Variants in GNL3L observed in about 807,000 individuals in gnomAD.
GNL3L encodes the protein G protein nucleolar 3 like.
GNL3L carries 4 observed loss-of-function variants against 42.9 expected under a neutral mutation model. The ratio of observed to expected loss-of-function variants is 0.09; its 90% CI spans 0.05 to 0.21. The LOEUF (loss-of-function observed/expected upper bound fraction) is 0.21. Ranked by LOEUF, GNL3L falls within the 10% of genes least tolerant of loss-of-function variation. The pLI is 1.00. For synonymous variants in GNL3L, 159 were observed against 176.3 expected (o/e 0.90, Z 0.78); for missense variants, 412 against 481.7 (o/e 0.86, Z 1.36).
At chrX:54,554,743 G>A (rs776565938) in intron 14 of GNL3L, 51 bp downstream of exon 14, 1 of 1,117,587 alleles carries the variant, frequency 8.9e-7, no homozygotes, top group Admixed American at 2.2e-5. Context: ...CAGGGCTCTG[G>A]GAAGTGGTCA....
chrX:54,553,001 T>C (rs1924991816), intron 13 of GNL3L, among the ~76,000 whole-genome samples: 1 of 112,186 alleles, frequency 8.9e-6, no homozygotes, highest in Non-Finnish European at 1.9e-5. Context: ...TCCTTTTTAC[T>C]GTGTGATGCT....
At chrX:54,557,879 C>G (rs1030720008) in intron 14 of GNL3L, among the ~76,000 whole-genome samples, 7 of 110,422 alleles carry the variant, frequency 6.3e-5, no homozygotes, top group Non-Finnish European at 1.3e-4. Context: ...TAGTGAACCA[C>G]TGCGCCTGCC....
chrX:54,594,027 G>T (rs1925900975), intron 16 of GNL3L, among the ~76,000 whole-genome samples: 1 of 111,518 alleles, frequency 9.0e-6, no homozygotes, highest in African/African-American at 3.3e-5. Flanking sequence ...CATAACATAT[G>T]GTCTATCCTT....
At chrX:54,605,699 C>A (rs939638061) in intron 16 of GNL3L, among the ~76,000 whole-genome samples, 5 of 111,282 alleles carry the variant, frequency 4.5e-5, no homozygotes, top group Non-Finnish European at 9.4e-5. Flanking sequence ...AGGGCCTGAT[C>A]TTTCACTTAT....
At chrX:54,616,436 AGT>A (rs1048491386) in intron 16 of GNL3L, among the ~76,000 whole-genome samples, 6 of 111,900 alleles carry the variant, frequency 5.4e-5, no homozygotes, top group African/African-American at 1.9e-4. Context: ...TTGTAATTGG[AGT>A]GTGTTAGTCA....
intron 8 of GNL3L, among the ~76,000 whole-genome samples, chrX:54,545,683 A>AT (rs1924751972): frequency 9.0e-6 from 1 of 110,980 alleles, no homozygotes; most frequent in East Asian, 2.8e-4. Context: ...TTTTTTTTCA[A>AT]TTTTGCATTG....
At chrX:54,572,091 A>C (rs1207247860), downstream of GNL3L, among the ~76,000 whole-genome samples, 47 of 108,031 alleles carry the variant, frequency 4.4e-4, no homozygotes, top group African/African-American at 1.3e-3. Flanking sequence ...TAGTGGAGGG[A>C]AGGTCAGCAG....
At chrX:54,571,389 G>A (rs1453264814), downstream of GNL3L, among the ~76,000 whole-genome samples, 1 of 108,259 alleles carries the variant, frequency 9.2e-6, no homozygotes. Context: ...TAGAGATGGG[G>A]TTTTACCGTG....
At chrX:54,590,108 T>C (rs777620821) in intron 16 of GNL3L, among the ~76,000 whole-genome samples, 2 of 110,519 alleles carry the variant, frequency 1.8e-5, no homozygotes, top group African/African-American at 3.3e-5. Flanking sequence ...CCCAGCTAAT[T>C]TTTGTATTTT....
intron 2 of GNL3L, among the ~76,000 whole-genome samples, chrX:54,537,008 G>A (rs1924454537): frequency 9.6e-6 from 1 of 104,512 alleles, no homozygotes; most frequent in Admixed American, 1.0e-4. Flanking sequence ...TCCAGGGTAT[G>A]TCTTTTTGGT....
At position 54,564,385 on chromosome X, in the gene GNL3L, G is replaced by T. The variant is rs1017474108; in HGVS notation, c.*3783G>T. ...TACACCCAAACCCTGGCAGTCACTG[G>T]TTTTTTTCTTCGTTCTCTTTTTTTT... On this transcript the variant is annotated 3_prime_UTR_variant, in exon 16 of 16. Coordinates refer to ENST00000360845, the MANE Select transcript of GNL3L (RefSeq NM_001184819.2). Among the ~76,000 whole-genome samples, 1 of 101,160 alleles carries T rather than the reference G, an allele frequency of 9.9e-6. No individual in the cohort carries two copies. Among genetic ancestry groups the T allele is most frequent in the Non-Finnish European group, 2.0e-5 (1 of 50,488 alleles). The allele number at this position is 101,160 out of a possible 115,157, so 87.8% of individuals were successfully genotyped here. A position where few individuals can be genotyped will look rare whatever the true frequency, so the allele number is the denominator to read the frequency against.
chrX:54,577,999 T>C lies in GNL3L; in HGVS notation c.*45+17352T>C, dbSNP rs745581729. Among the ~76,000 whole-genome samples, 44 of 111,665 alleles carry C rather than the reference T, an allele frequency of 3.9e-4. No individual in the cohort carries two copies. The South Asian group carries it at 7.8e-3, about 20-fold the overall frequency. ...CTCAAGCAATCTGCCTGCCTCGGCCTCCCAAAGTGCCAGGATTACAGGTGT... is the reference window on the plus strand; with the variant it reads ...CTCAAGCAATCTGCCTGCCTCGGCCCCCCAAAGTGCCAGGATTACAGGTGT... On this transcript the variant is annotated intron_variant, in intron 16 of 16. Transcript: ENST00000674498.
the GNL3L span, among the ~76,000 whole-genome samples, chrX:54,630,692 T>TCCTTCCTTCCTA: frequency 6.1e-4 from 1 of 1,628 alleles, no homozygotes; most frequent in African/African-American, 3.9e-3. Flanking sequence ...CTTCCTTCCT[T>TCCTTCCTTCCTA]CCTTCCTTTC....
At chrX:54,613,820 G>A (rs1335341226) in intron 16 of GNL3L, among the ~76,000 whole-genome samples, 1 of 110,649 alleles carries the variant, frequency 9.0e-6, no homozygotes, top group Non-Finnish European at 1.9e-5. Context: ...AGGTGGCAGG[G>A]GCAGGGTGGG....
intron 16 of GNL3L, among the ~76,000 whole-genome samples, chrX:54,594,774 T>G (rs1294768103): frequency 1.8e-5 from 2 of 111,197 alleles, no homozygotes; most frequent in Non-Finnish European, 3.8e-5. Context: ...GTGTATACAT[T>G]GTATGTTTTT....
At chrX:54,588,124 A>T (rs1274499874) in intron 16 of GNL3L, among the ~76,000 whole-genome samples, 2 of 111,266 alleles carry the variant, frequency 1.8e-5, no homozygotes, top group Non-Finnish European at 3.8e-5. Flanking sequence ...CTATTTTGGG[A>T]TTTTCTATGT....
At chrX:54,585,463 A>G (rs980553236) in intron 16 of GNL3L, among the ~76,000 whole-genome samples, 8 of 110,996 alleles carry the variant, frequency 7.2e-5, no homozygotes, top group African/African-American at 2.0e-4. Context: ...CAGATATTCA[A>G]CTTCTTTATA....
rs1443190295 is a variant in GNL3L, at chrX:54,561,715, G to T, written c.*1113G>T. On this transcript the variant is annotated 3_prime_UTR_variant, in exon 16 of 16. Transcript: ENST00000360845. ...AGCATTTGAATTCCATGGCTCAAGA[G>T]GGTTCTGGTACCATTTATTCACAGA... Among the ~76,000 whole-genome samples the T allele has an allele frequency of 8.9e-6, 1 of 111,828 alleles. No individual in the cohort carries two copies. Among genetic ancestry groups the T allele is most frequent in the African/African-American group, 3.3e-5 (1 of 30,764 alleles).
chrX:54,635,320 T>G, the GNL3L span, among the ~76,000 whole-genome samples: 1 of 111,648 alleles, frequency 9.0e-6, no homozygotes, highest in African/African-American at 3.3e-5. Context: ...TTTCCTTTAG[T>G]TATTTGTTCA....
Sources: allele counts gnomAD v4.1 joint callset (sites outside exome capture counted in the v4.1 genomes callset), GRCh38; gene constraint gnomAD v4.1.1; transcripts MANE v1.5; gene names NCBI Gene and HGNC (gene_info 2026-07-23, HGNC 2026-07-21).